The following GSK3B variants were observed in gnomAD, a reference collection of about 807,000 sequenced individuals.
GSK3B encodes glycogen synthase kinase 3 beta.
In GSK3B, 15 loss-of-function variants were observed where a neutral mutation model predicts 56.4. That is an observed-to-expected ratio of 0.27 (90% confidence interval 0.18 to 0.41). The LOEUF (loss-of-function observed/expected upper bound fraction) is 0.41. Among genes scored for constraint, GSK3B ranks in the 10% least tolerant of loss-of-function variants. The pLI is 1.00. For synonymous variants in GSK3B, 181 were observed against 188.9 expected, an observed-to-expected ratio of 0.96 and a Z score of 0.34; for missense variants, 300 against 513.4, an observed-to-expected ratio of 0.58 and a Z score of 4.02.
chr3:119,888,918 G>A (rs1043140093), intron 7 of GSK3B, among the ~76,000 whole-genome samples: 2 of 151,976 alleles, frequency 1.3e-5, no homozygotes, highest in South Asian at 4.2e-4. Flanking sequence ...TTAGCAGGGT[G>A]GGGAAAAATC....
chr3:120,089,156 A>C (rs767858442), intron 1 of GSK3B, among the ~76,000 whole-genome samples: 5 of 152,126 alleles, frequency 3.3e-5, no homozygotes, highest in Non-Finnish European at 7.3e-5. Flanking sequence ...ATGTCACCTC[A>C]TTTTCTAAAT....
intron 2 of GSK3B, among the ~76,000 whole-genome samples, chr3:119,962,077 T>C (rs2107506609): frequency 6.6e-6 from 1 of 152,270 alleles, no homozygotes; most frequent in South Asian, 2.1e-4. Context: ...AGCATGTGTA[T>C]ATGAAAAGCC....
intron 5 of GSK3B, among the ~76,000 whole-genome samples, chr3:119,915,164 T>G (rs1393765631): frequency 3.9e-5 from 6 of 151,968 alleles, no homozygotes; most frequent in Non-Finnish European, 8.8e-5. Flanking sequence ...TCACAGTATA[T>G]TACCAAGAAA....
At chr3:120,059,830 G>A (rs909815099) in intron 1 of GSK3B, among the ~76,000 whole-genome samples, 4 of 152,172 alleles carry the variant, frequency 2.6e-5, no homozygotes, top group African/African-American at 9.7e-5. Context: ...CTCTATTACT[G>A]GAGCTACAAT....
chr3:119,855,795 C>A (rs2056012277), intron 9 of GSK3B, among the ~76,000 whole-genome samples: 1 of 150,030 alleles, frequency 6.7e-6, no homozygotes, highest in Non-Finnish European at 1.5e-5. Flanking sequence ...CACTTGGACA[C>A]AGGGTGGGGA....
chr3:120,076,305 CTT>C (rs1416900986), intron 1 of GSK3B, among the ~76,000 whole-genome samples: 1 of 152,126 alleles, frequency 6.6e-6, no homozygotes, highest in African/African-American at 2.4e-5. Flanking sequence ...TTGGCAATGA[CTT>C]TTTCCATGAC....
At chr3:119,955,463 C>CTA (rs2057204525) in intron 2 of GSK3B, among the ~76,000 whole-genome samples, 1 of 152,090 alleles carries the variant, frequency 6.6e-6, no homozygotes, top group South Asian at 2.1e-4. Context: ...AAACCAACAA[C>CTA]TATAACACAA....
rs1168845477 is a variant in GSK3B, at chr3:119,939,415, C to T, written c.366+7853G>A. 1.3e-4 allele frequency among the ~76,000 whole-genome samples: 20 copies of T among 152,166 alleles called. 1 individual carries two copies. The highest frequency in any genetic ancestry group is 1.5e-5 in the Non-Finnish European group (1 of 68,006). On this transcript the variant is annotated intron_variant, in intron 3 of 10. Coordinates refer to ENST00000264235, the MANE Select transcript of GSK3B (RefSeq NM_001146156.2). ...GTGATACAATCAGAAGGATTGCCTG[C>T]TGCCATGTTATATTAGGGATGGTCA...
intron 2 of GSK3B, among the ~76,000 whole-genome samples, chr3:119,987,503 T>C (rs1289761508): frequency 6.6e-6 from 1 of 152,232 alleles, no homozygotes; most frequent in East Asian, 1.9e-4. Flanking sequence ...AAGCAAGTTT[T>C]GAAACGTTAA....
intron 1 of GSK3B, among the ~76,000 whole-genome samples, chr3:120,016,565 T>TC (rs1386024121): frequency 6.6e-6 from 1 of 152,186 alleles, no homozygotes; most frequent in Admixed American, 6.5e-5. Flanking sequence ...ATTTAGGCCC[T>TC]GAAACCAACT....
chr3:120,077,357 G>A (rs2058375898), intron 1 of GSK3B, among the ~76,000 whole-genome samples: 1 of 151,938 alleles, frequency 6.6e-6, no homozygotes, highest in Admixed American at 6.6e-5. Context: ...TGGACCTGAA[G>A]GACATTAACT....
At chr3:119,967,870 T>C (rs1352577027) in intron 2 of GSK3B, among the ~76,000 whole-genome samples, 1 of 145,762 alleles carries the variant, frequency 6.9e-6, no homozygotes, top group Non-Finnish European at 1.5e-5. Flanking sequence ...CTCTCTCCTT[T>C]CTTTCTTGAA....
rs2055804481 is a variant in GSK3B at position 119,843,265 on chromosome 3, T to C, written c.1185A>G (p.Thr395=). Residue 395 remains threonine (T), a synonymous_variant, in exon 10 of 11, where the codon ACA becomes ACG. Transcript: ENST00000264235. The stretch of plus-strand genomic sequence containing the variant: ...TTAGAACGTTCTTACCTGACGCTGC[T>C]GTGGCATTTGTGGGGGTTGAAGCAG... ...QAAASTPTNA[T]AASDANTGDR... The C allele has an allele frequency of 1.9e-6, 3 of 1,604,164 alleles. No homozygotes were observed. Among genetic ancestry groups the C allele is most frequent in the Non-Finnish European group, 2.6e-6 (3 of 1,172,298 alleles).
At chr3:120,051,291 C>T (rs2058146981) in intron 1 of GSK3B, among the ~76,000 whole-genome samples, 1 of 151,898 alleles carries the variant, frequency 6.6e-6, no homozygotes, top group Non-Finnish European at 1.5e-5. Context: ...GTTTTCTTAA[C>T]TAGAATGGGA....
At chr3:119,890,910 T>G (rs894739523) in intron 7 of GSK3B, among the ~76,000 whole-genome samples, 3 of 152,086 alleles carry the variant, frequency 2.0e-5, no homozygotes, top group Non-Finnish European at 2.9e-5. Context: ...GCATATTTTT[T>G]AAGAAAGCAA....
chr3:119,955,338 C>T (rs1318679856), intron 2 of GSK3B, among the ~76,000 whole-genome samples: 1 of 151,584 alleles, frequency 6.6e-6, no homozygotes, highest in Non-Finnish European at 1.5e-5. Context: ...ATATTTTGTT[C>T]CATGCATAGA....
chr3:120,082,066 T>A (rs1235461692), intron 1 of GSK3B, among the ~76,000 whole-genome samples: 1 of 152,026 alleles, frequency 6.6e-6, no homozygotes, highest in Non-Finnish European at 1.5e-5. Context: ...ACAGCAAAAA[T>A]TTAAATACCT....
At chr3:119,941,749 G>A (rs906260247) in intron 3 of GSK3B, among the ~76,000 whole-genome samples, 1 of 152,196 alleles carries the variant, frequency 6.6e-6, no homozygotes, top group Non-Finnish European at 1.5e-5. Context: ...TAATGAGCAC[G>A]TGATAACCTT....
At chr3:119,864,971 CT>C (rs1468637627) in intron 8 of GSK3B, among the ~76,000 whole-genome samples, 2 of 152,036 alleles carry the variant, frequency 1.3e-5, no homozygotes, top group African/African-American at 4.8e-5. Flanking sequence ...CAAAACCTGC[CT>C]TATCTTTATT....
Sources: gnomAD v4.1 joint callset for allele counts (sites outside exome capture counted in the v4.1 genomes callset) on GRCh38, gnomAD v4.1.1 for gene constraint, MANE v1.5 for transcripts, NCBI Gene and HGNC (gene_info 2026-07-23, HGNC 2026-07-21) for gene names.